The following CAMTA1 variants were observed in gnomAD, a reference collection of about 807,000 sequenced individuals.
The protein encoded by CAMTA1 is calmodulin-binding transcription activator 1.
Under a neutral mutation model 170.9 loss-of-function variants are expected in CAMTA1, and 27 were observed. The observed-to-expected ratio is 0.16, with a 90% CI of 0.12 to 0.22. CAMTA1 has a LOEUF of 0.22. Among genes scored for constraint, CAMTA1 ranks in the 10% least tolerant of loss-of-function variants. The probability of loss-of-function intolerance (pLI) is 1.00; values close to 1 mark genes in which losing one functional copy is unlikely to be tolerated. For synonymous variants in CAMTA1, 833 were observed against 891.5 expected, an observed-to-expected ratio of 0.93 and a Z score of 1.17; for missense variants, 1,619 against 2,217.2, an observed-to-expected ratio of 0.73 and a Z score of 5.42.
chr1:7,048,098 A>AG (rs986542596), intron 3 of CAMTA1, among the ~76,000 whole-genome samples: 2 of 151,570 alleles, frequency 1.3e-5, no homozygotes, highest in African/African-American at 4.8e-5. Context: ...AGGCGAGGGG[A>AG]GGGGGGTGGT....
chr1:6,823,244 A>G (rs913744545), intron 2 of CAMTA1, among the ~76,000 whole-genome samples: 3 of 152,096 alleles, frequency 2.0e-5, no homozygotes, highest in Admixed American at 6.6e-5. Flanking sequence ...TTAAAGTTTT[A>G]TGGCCCGTGG....
At chr1:7,259,627 A>G (rs545119840) in intron 5 of CAMTA1, among the ~76,000 whole-genome samples, 1 of 152,252 alleles carries the variant, frequency 6.6e-6, no homozygotes, top group Non-Finnish European at 1.5e-5. Context: ...CTTAAGAGAA[A>G]AGTCCAAGGG....
intron 6 of CAMTA1, among the ~76,000 whole-genome samples, chr1:7,573,342 C>A (rs1169256504): frequency 6.6e-6 from 1 of 152,180 alleles, no homozygotes; most frequent in Admixed American, 6.5e-5. Context: ...GAAACTGAGG[C>A]TTTGGAGAGT....
chr1:7,500,104 A>T (rs6673735), intron 6 of CAMTA1, among the ~76,000 whole-genome samples: 18 of 122,314 alleles, frequency 1.5e-4, no homozygotes, highest in Middle Eastern at 5.2e-3. Flanking sequence ...AGTGTGTAGA[A>T]GATTGTGTGA....
chr1:7,607,700 C>G (rs759951960), intron 6 of CAMTA1, among the ~76,000 whole-genome samples: 6 of 152,224 alleles, frequency 3.9e-5, no homozygotes, highest in Middle Eastern at 3.4e-3. Context: ...GACAGATGGA[C>G]TGTTGAGTGA....
intron 3 of CAMTA1, among the ~76,000 whole-genome samples, chr1:7,009,356 G>A (rs1453232314): frequency 6.6e-6 from 1 of 152,180 alleles, no homozygotes; most frequent in Non-Finnish European, 1.5e-5. Flanking sequence ...TGGGAAGGCA[G>A]GAAACCCGGG....
intron 3 of CAMTA1, among the ~76,000 whole-genome samples, chr1:7,072,480 G>A (rs1009601566): frequency 2.0e-5 from 3 of 152,210 alleles, no homozygotes; most frequent in South Asian, 2.1e-4. Flanking sequence ...TGCTGTTCTA[G>A]GGATTGGAGA....
intron 6 of CAMTA1, among the ~76,000 whole-genome samples, chr1:7,579,552 C>CTTTCTTTTTTTTTTTT (rs1436192966): frequency 1.3e-5 from 1 of 79,194 alleles, no homozygotes; most frequent in African/African-American, 5.9e-5. Flanking sequence ...CTTTTCTTTT[C>CTTTCTTTTTTTTTTTT]TTTTTTTTTT....
At chr1:7,236,382 C>A (rs1013822154) in intron 4 of CAMTA1, among the ~76,000 whole-genome samples, 1 of 152,216 alleles carries the variant, frequency 6.6e-6, no homozygotes, top group Non-Finnish European at 1.5e-5. Context: ...AAATCAGGCT[C>A]AGCCCGCCCT....
intron 5 of CAMTA1, among the ~76,000 whole-genome samples, chr1:7,405,199 G>A (rs2090199328): frequency 1.3e-5 from 2 of 152,046 alleles, no homozygotes; most frequent in Non-Finnish European, 2.9e-5. Flanking sequence ...CTCAATAATG[G>A]AGTCAGATAT....
chr1:7,287,178 C>T (rs538651682), intron 5 of CAMTA1, among the ~76,000 whole-genome samples: 98 of 152,202 alleles, frequency 6.4e-4, no homozygotes, highest in Admixed American at 1.2e-3. Flanking sequence ...GAGGTGCTAC[C>T]GAGAGGGATT....
At chr1:7,197,881 G>A (rs1655861053) in intron 4 of CAMTA1, among the ~76,000 whole-genome samples, 1 of 151,862 alleles carries the variant, frequency 6.6e-6, no homozygotes, top group Non-Finnish European at 1.5e-5. Context: ...TCAACAGCAG[G>A]GGAAGCCGTA....
chr1:7,427,527 A>G (rs1330337137), intron 5 of CAMTA1, among the ~76,000 whole-genome samples: 1 of 152,176 alleles, frequency 6.6e-6, no homozygotes, highest in East Asian at 1.9e-4. Flanking sequence ...AATTTGCTAT[A>G]AGCTGTATAA....
chr1:7,016,048 G>A (rs1205830186), intron 3 of CAMTA1, among the ~76,000 whole-genome samples: 2 of 152,234 alleles, frequency 1.3e-5, no homozygotes, highest in Non-Finnish European at 2.9e-5. Flanking sequence ...GGGGATTACA[G>A]TTTGACATGA....
intron 22 of CAMTA1, among the ~76,000 whole-genome samples, chr1:7,761,608 G>C (rs548013314): frequency 1.3e-5 from 2 of 152,258 alleles, no homozygotes; most frequent in East Asian, 3.9e-4. Flanking sequence ...GGTGACCACA[G>C]GTCCTGGATT....
At chr1:7,240,081 C>A (rs1298248864) in intron 4 of CAMTA1, among the ~76,000 whole-genome samples, 6 of 152,204 alleles carry the variant, frequency 3.9e-5, no homozygotes, top group Non-Finnish European at 8.8e-5. Context: ...CAAACCATAG[C>A]AGAGGACATG....
At chr1:7,502,782 G>A (rs1166469659) in intron 6 of CAMTA1, among the ~76,000 whole-genome samples, 1 of 152,220 alleles carries the variant, frequency 6.6e-6, no homozygotes, top group Non-Finnish European at 1.5e-5. Flanking sequence ...GGCCTCGCTG[G>A]GCTTAGTGGG....
intron 11 of CAMTA1, among the ~76,000 whole-genome samples, chr1:7,691,779 T>A (rs2149411111): frequency 6.6e-6 from 1 of 152,274 alleles, no homozygotes; most frequent in African/African-American, 2.4e-5. Flanking sequence ...GTCTGAAATG[T>A]CTGCGTGGAG....
chr1:7,458,666 G>A (rs77117963), intron 5 of CAMTA1, among the ~76,000 whole-genome samples: 5,169 of 152,290 alleles, frequency 0.034, 229 homozygotes, highest in East Asian at 0.1. Flanking sequence ...AGCTGTGGCC[G>A]GCACCTGACT....
Sources: allele counts gnomAD v4.1 joint callset (sites outside exome capture counted in the v4.1 genomes callset), GRCh38; gene constraint gnomAD v4.1.1; transcripts MANE v1.5; gene names NCBI Gene and HGNC (gene_info 2026-07-23, HGNC 2026-07-21).